ELMO1: variants seen among roughly 807,000 people sequenced by gnomAD.
ELMO1 encodes the protein engulfment and cell motility protein 1.
A neutral mutation model predicts 98.9 loss-of-function variants in ELMO1; 26 were observed. That is an observed-to-expected ratio of 0.26 (90% CI 0.19 to 0.36). The LOEUF is 0.36. Among genes scored for constraint, ELMO1 ranks in the 10% least tolerant of loss-of-function variants. The probability of loss-of-function intolerance (pLI) is 1.00; values close to 1 mark genes in which losing one functional copy is unlikely to be tolerated. For synonymous variants in ELMO1, 346 were observed against 346.0 expected (o/e 1.00, Z 0.00); for missense variants, 627 against 935.2 (o/e 0.67, Z 4.30).
intron 16 of ELMO1, among the ~76,000 whole-genome samples, chr7:36,992,551 G>A (rs17419878): frequency 0.093 from 14,081 of 152,198 alleles, 791 homozygotes; most frequent in Middle Eastern, 0.21. Flanking sequence ...CTTGCCAAGC[G>A]CATCCACTGG....
chr7:37,263,709 C>G (rs1458867515), intron 5 of ELMO1, among the ~76,000 whole-genome samples: 2 of 152,134 alleles, frequency 1.3e-5, no homozygotes, highest in African/African-American at 4.8e-5. Flanking sequence ...TGCCAAAGCC[C>G]TGATTCAGGT....
intron 13 of ELMO1, among the ~76,000 whole-genome samples, chr7:37,182,499 C>A (rs1481977348): frequency 1.6e-5 from 2 of 127,296 alleles, no homozygotes; most frequent in African/African-American, 6.0e-5. Flanking sequence ...GAGACGGAGT[C>A]TCGCTTGGTT....
Position 37,316,093 on chromosome 7 carries a change from G to A in ELMO1, c.79-133C>T, listed in dbSNP as rs1799140425. 1.1e-5 allele frequency: 8 copies of A among 716,870 alleles called. No homozygotes were observed. The South Asian group carries it at 1.5e-4, about 13-fold the overall frequency. 44.4% of individuals were successfully genotyped at this position (716,870 alleles called of 1,614,324 possible). On this transcript the variant is annotated intron_variant, in intron 2 of 21. Coordinates refer to ENST00000310758, the MANE Select transcript of ELMO1 (RefSeq NM_014800.11). ...TTTGCTATTCTTAGTTGTTGTCAAT[G>A]AGTCTCTTATTTTTCTCAAGGTAAC...
At chr7:37,304,736 A>G (rs1798520060) in intron 4 of ELMO1, among the ~76,000 whole-genome samples, 1 of 152,108 alleles carries the variant, frequency 6.6e-6, no homozygotes. Context: ...GAAAGAAAAG[A>G]AAGTAAAACA....
intron 15 of ELMO1, among the ~76,000 whole-genome samples, chr7:37,088,514 A>G (rs1404482476): frequency 2.6e-5 from 4 of 152,250 alleles, no homozygotes; most frequent in Admixed American, 1.3e-4. Flanking sequence ...CACTTTAACT[A>G]ACATTTCCTC....
chr7:36,955,438 T>G (rs541998199), intron 16 of ELMO1, among the ~76,000 whole-genome samples: 1 of 152,326 alleles, frequency 6.6e-6, no homozygotes, highest in Admixed American at 6.5e-5. Context: ...TGTAAAACCT[T>G]CCTTTATGAA....
At chr7:37,252,963 A>C (rs1380302745) in intron 6 of ELMO1, among the ~76,000 whole-genome samples, 2 of 152,232 alleles carry the variant, frequency 1.3e-5, no homozygotes. Flanking sequence ...GCGGCCAACA[A>C]ACACATGAAA....
At chr7:37,159,142 TGGGGCTGTCGTGGGTAGG>T (rs1789013945) in intron 13 of ELMO1, among the ~76,000 whole-genome samples, 1 of 151,998 alleles carries the variant, frequency 6.6e-6, no homozygotes, top group Admixed American at 6.6e-5. Context: ...CATCACACAC[TGGGGCTGTCGTGGGTAGG>T]GGGGCTGGCG....
chr7:37,084,542 C>G (rs1783657637), intron 15 of ELMO1, among the ~76,000 whole-genome samples: 1 of 152,140 alleles, frequency 6.6e-6, no homozygotes, highest in South Asian at 2.1e-4. Context: ...GGGCAAACAG[C>G]ACAGGAGAAT....
At position 37,342,528 on chromosome 7, in the gene ELMO1, G is replaced by A. The variant is rs2131259821; in HGVS notation, c.78+85C>T. ...CAACACAGCTAGAGAGAGAAAGGGA[G>A]AAGAGTGAGCTATCCAAAGTCTATG... On this transcript the variant is annotated intron_variant, in intron 2 of 21. Transcript: ENST00000310758. The surrounding 1 kb of genome is among the most constrained non-coding windows in gnomAD (Gnocchi z 4.3). 1 of 1,327,654 alleles carries A rather than the reference G, an allele frequency of 7.5e-7. No homozygotes were observed. Among genetic ancestry groups the A allele is most frequent in the Non-Finnish European group, 1.1e-6 (1 of 920,960 alleles). The allele number at this position is 1,327,654 out of a possible 1,614,324, so 82.2% of individuals were successfully genotyped here.
intron 1 of ELMO1, among the ~76,000 whole-genome samples, chr7:37,400,466 T>G (rs1803478031): frequency 6.6e-6 from 1 of 152,228 alleles, no homozygotes; most frequent in Non-Finnish European, 1.5e-5. Context: ...TCCATAAAAT[T>G]ACTTCAGGGC....
intron 13 of ELMO1, among the ~76,000 whole-genome samples, chr7:37,146,770 T>C (rs530654602): frequency 1.3e-5 from 2 of 152,264 alleles, no homozygotes; most frequent in African/African-American, 2.4e-5. Context: ...GAGAGAGACA[T>C]GGTGAATATC....
intron 16 of ELMO1, among the ~76,000 whole-genome samples, chr7:36,945,632 G>A (rs1047149645): frequency 2.6e-5 from 4 of 152,142 alleles, no homozygotes; most frequent in Admixed American, 2.6e-4. Flanking sequence ...CTCCCTGGAT[G>A]GGGTTAAATC....
At chr7:37,205,914 C>G (rs1002511125) in intron 13 of ELMO1, among the ~76,000 whole-genome samples, 1 of 152,124 alleles carries the variant, frequency 6.6e-6, no homozygotes, top group East Asian at 1.9e-4. Context: ...CTTCTATAAC[C>G]TTTCCCTCAC....
intron 20 of ELMO1, among the ~76,000 whole-genome samples, chr7:36,869,910 G>C (rs1233954864): frequency 2.0e-5 from 3 of 152,176 alleles, no homozygotes; most frequent in African/African-American, 7.2e-5. Flanking sequence ...GGCCTTTAAA[G>C]TTTTCTAAGA....
At chr7:37,014,198 C>T (rs1311738552) in intron 15 of ELMO1, among the ~76,000 whole-genome samples, 2 of 152,064 alleles carry the variant, frequency 1.3e-5, no homozygotes, top group Non-Finnish European at 2.9e-5. Flanking sequence ...TCAGCCCCTC[C>T]CATCATCCCA....
At chr7:37,185,732 T>C (rs1791163276) in intron 13 of ELMO1, among the ~76,000 whole-genome samples, 1 of 152,156 alleles carries the variant, frequency 6.6e-6, no homozygotes. Context: ...AAGAATGAAA[T>C]AGGAATAAAT....
At chr7:36,921,281 C>T (rs889520846) in intron 16 of ELMO1, among the ~76,000 whole-genome samples, 10 of 152,198 alleles carry the variant, frequency 6.6e-5, no homozygotes, top group Admixed American at 1.3e-4. Context: ...TGATCAAGAG[C>T]GGGCAGGCCC....
chr7:37,316,184 C>T (rs1361546046), intron 2 of ELMO1, among the ~76,000 whole-genome samples: 1 of 152,058 alleles, frequency 6.6e-6, no homozygotes, highest in Non-Finnish European at 1.5e-5. Flanking sequence ...TTTTTCTATA[C>T]TTAGCATATT....
Sources: gnomAD v4.1 joint callset for allele counts (sites outside exome capture counted in the v4.1 genomes callset) on GRCh38, gnomAD v4.1.1 for gene constraint, Gnocchi (gnomAD v3.1) non-coding constraint, MANE v1.5 for transcripts, NCBI Gene and HGNC (gene_info 2026-07-23, HGNC 2026-07-21) for gene names.